AFF1: variants seen among roughly 807,000 people sequenced by gnomAD.
AFF1 encodes AF4/FMR2 family member 1.
Under a neutral mutation model 121.7 loss-of-function variants are expected in AFF1, and 48 were observed. The observed-to-expected ratio is 0.39, with a 90% confidence interval of 0.31 to 0.50. The LOEUF is 0.50. Ranked by LOEUF, AFF1 falls within the 20% of genes least tolerant of loss-of-function variation. The probability of loss-of-function intolerance (pLI) is 0.76; values close to 1 mark genes in which losing one functional copy is unlikely to be tolerated. For synonymous variants in AFF1, 613 were observed against 563.0 expected, an observed-to-expected ratio of 1.09 and a Z score of -1.26; for missense variants, 1,523 against 1,511.7, an observed-to-expected ratio of 1.01 and a Z score of -0.12.
At chr4:87,126,459 G>A in intron 14 of AFF1, 123 bp downstream of exon 14, 1 of 883,706 alleles carries the variant, frequency 1.1e-6, no homozygotes, top group Non-Finnish European at 1.7e-6. Flanking sequence ...TGAGGCAACT[G>A]TTTGTGTTTA....
chr4:86,992,075 G>C (rs1160257177), intron 2 of AFF1, among the ~76,000 whole-genome samples: 1 of 152,080 alleles, frequency 6.6e-6, no homozygotes, highest in African/African-American at 2.4e-5. Context: ...TTTTCCAAAG[G>C]CTTGTAAAAA....
In AFF1 at chr4:87,136,967, C is replaced by G. The variant is rs1373070486; in HGVS notation, c.*1266C>G. The G allele has an allele frequency of 4.5e-6, 1 of 220,950 alleles. No individual in the cohort carries two copies. Among genetic ancestry groups the G allele is most frequent in the Non-Finnish European group, 9.1e-6 (1 of 110,202 alleles). 13.7% of individuals were successfully genotyped at this position (220,950 alleles called of 1,614,324 possible). A position where few individuals can be genotyped will look rare whatever the true frequency, so the allele number is the denominator to read the frequency against. On this transcript the variant is annotated 3_prime_UTR_variant, in exon 21 of 21. Transcript: ENST00000395146. ...TAGATTTGATTTGGTTGAGGAGGAA[C>G]TGTGGCCCTCCGTAAGTTATTGCCA... is the stretch of plus-strand genomic sequence containing the variant.
In AFF1 at chr4:87,140,329, T is replaced by C. The variant is rs1349075521; in HGVS notation, c.*4628T>C. On this transcript the variant is annotated 3_prime_UTR_variant, in exon 21 of 21. Coordinates refer to ENST00000395146, the MANE Select transcript of AFF1 (RefSeq NM_001166693.3). ...TCCCCCTCAGATATCAAGTATACACTGTTCATGTTGGGGTTGTGTGTGTGT... is the reference window on the plus strand; with the variant it reads ...TCCCCCTCAGATATCAAGTATACACCGTTCATGTTGGGGTTGTGTGTGTGT... 5.0e-6 allele frequency: 1 copy of C among 199,300 alleles called. No individual in the cohort carries two copies. The highest frequency in any genetic ancestry group is 2.3e-5 in the African/African-American group (1 of 43,386). 12.3% of individuals were successfully genotyped at this position (199,300 alleles called of 1,614,324 possible). A position where few individuals can be genotyped will look rare whatever the true frequency, so the allele number is the denominator to read the frequency against.
rs11434868 is a variant in AFF1, at chr4:87,035,564, G to GAA, written c.39-10591_39-10590dup. On this transcript the variant is annotated intron_variant, in intron 2 of 20. Transcript: ENST00000395146. ...CGACAGAGCAAGACTCCGTCCCAAG[G>GAA]AAAAAAAAAAAATACTCAGGAGCTT... Among the ~76,000 whole-genome samples, 392 of 147,032 alleles carry GAA rather than the reference G, an allele frequency of 2.7e-3. 1 individual carries two copies. The highest frequency in any genetic ancestry group is 4.8e-3 in the African/African-American group (191 of 39,948).
chr4:87,076,833 A>G lies in AFF1; in HGVS notation c.1060-7287A>G, dbSNP rs547180713. 5.3e-5 allele frequency among the ~76,000 whole-genome samples: 8 copies of G among 152,372 alleles called. No individual in the cohort carries two copies. The South Asian group carries it at 1.7e-3, about 32-fold the overall frequency. The stretch of plus-strand genomic sequence containing the variant: ...CTGCTGGTCCCTTTGAACGTTTTCC[A>G]GCTGAAGTAGGCACACCCAGGCAGT... On this transcript the variant is annotated intron_variant, in intron 4 of 20. Transcript: ENST00000395146.
intron 1 of AFF1, among the ~76,000 whole-genome samples, chr4:86,937,869 G>A (rs1720147634): frequency 6.6e-6 from 1 of 152,186 alleles, no homozygotes; most frequent in Non-Finnish European, 1.5e-5. Context: ...GCCTCCTCAA[G>A]TGCTGAGATT....
chr4:86,997,418 G>C (rs1725300701), intron 2 of AFF1, among the ~76,000 whole-genome samples: 2 of 152,152 alleles, frequency 1.3e-5, no homozygotes, highest in Non-Finnish European at 2.9e-5. Flanking sequence ...CAGGTATTCT[G>C]CTATAGGCAG....
intron 2 of AFF1, among the ~76,000 whole-genome samples, chr4:86,958,815 TCTTA>T (rs1340180761): frequency 6.6e-6 from 1 of 152,202 alleles, no homozygotes; most frequent in African/African-American, 2.4e-5. Context: ...GTTTCTTGAG[TCTTA>T]ATCCAGAGCA....
rs1726205055 is a variant in AFF1, at chr4:87,007,044, T to C, written c.39-39122T>C. On this transcript the variant is annotated intron_variant, in intron 2 of 20. Transcript: ENST00000395146. ...GCGTTGTGCTGTTGCTGGGCAGGCG[T>C]TGGGCGCCGGCGGTCTTCGAGCGTG... The C allele has an allele frequency of 3.4e-6, 4 of 1,181,574 alleles. No homozygotes were observed. In the South Asian group the frequency reaches 8.4e-5, roughly 25 times the overall value. The allele number at this position is 1,181,574 out of a possible 1,614,324, so 73.2% of individuals were successfully genotyped here. A position where few individuals can be genotyped will look rare whatever the true frequency, so the allele number is the denominator to read the frequency against.
chr4:87,067,572 G>A (rs563582927), intron 4 of AFF1, among the ~76,000 whole-genome samples: 13 of 152,156 alleles, frequency 8.5e-5, no homozygotes, highest in South Asian at 2.1e-4. Context: ...AATTTCAGGG[G>A]CATTGCTAAA....
At chr4:87,053,312 A>G (rs1351033269) in intron 4 of AFF1, among the ~76,000 whole-genome samples, 1 of 152,146 alleles carries the variant, frequency 6.6e-6, no homozygotes, top group Non-Finnish European at 1.5e-5. Flanking sequence ...TTTAATTTCC[A>G]AGACCCAAGT....
At chr4:87,084,033 T>C (rs1225509499) in intron 4 of AFF1, 87 bp from the exon 5 acceptor site, 2 of 1,215,830 alleles carry the variant, frequency 1.6e-6, no homozygotes, top group Non-Finnish European at 2.4e-6. Context: ...TTGAGATGAG[T>C]ATTGCTGCAT....
chr4:87,021,011 C>T (rs979521965), intron 2 of AFF1, among the ~76,000 whole-genome samples: 1 of 152,130 alleles, frequency 6.6e-6, no homozygotes, highest in East Asian at 1.9e-4. Context: ...CCAAGACTCA[C>T]CATTCTGTTC....
At chr4:86,940,458 G>C (rs957797645) in intron 1 of AFF1, among the ~76,000 whole-genome samples, 3 of 152,296 alleles carry the variant, frequency 2.0e-5, no homozygotes, top group Middle Eastern at 3.4e-3. Flanking sequence ...CTGGAGTGCA[G>C]TGGTGCAATC....
intron 2 of AFF1, among the ~76,000 whole-genome samples, chr4:86,960,294 C>G (rs1351342231): frequency 6.6e-6 from 1 of 152,126 alleles, no homozygotes; most frequent in Non-Finnish European, 1.5e-5. Context: ...GACGGCCCAG[C>G]AGGTATCCTG....
chr4:86,951,607 TC>T lies in AFF1; in HGVS notation c.38+3037del, dbSNP rs1560497179. Among the ~76,000 whole-genome samples, 230 of 90,726 alleles carry T rather than the reference TC, an allele frequency of 2.5e-3. 4 individuals are homozygous for T. Among genetic ancestry groups the T allele is most frequent in the African/African-American group, 7.9e-3 (222 of 28,246 alleles). 59.5% of individuals were successfully genotyped at this position (90,726 alleles called of 152,430 possible). ...ATGTTAGGGAACTTTTTTTTCTTTT[TC>T]TTTTTTCTTTTTTTCTTTTTTTTTT... On this transcript the variant is annotated intron_variant, in intron 2 of 20. Transcript: ENST00000395146.
chr4:87,022,754 A>G, intron 2 of AFF1, among the ~76,000 whole-genome samples: 1 of 149,768 alleles, frequency 6.7e-6, no homozygotes. Flanking sequence ...GTGTATATAT[A>G]TATAATATCA....
At chr4:86,982,848 C>CAAAAAAAAAAAAAAAAAA (rs59568294) in intron 2 of AFF1, among the ~76,000 whole-genome samples, 6 of 53,804 alleles carry the variant, frequency 1.1e-4, no homozygotes, top group African/African-American at 4.1e-4. Flanking sequence ...ACTCTGTCTC[C>CAAAAAAAAAAAAAAAAAA]AAAAAAAAAA....
chr4:87,022,578 A>ATC lies in AFF1; in HGVS notation c.39-23587_39-23586insCT, dbSNP rs1487050172. On this transcript the variant is annotated intron_variant, in intron 2 of 20. Transcript: ENST00000395146. ...TATATATATATATATATATATATAT[A>ATC]TATATCTATCTATATCTATCTGTGT... 2.8e-4 allele frequency among the ~76,000 whole-genome samples: 24 copies of ATC among 87,228 alleles called. 1 individual carries two copies. The highest frequency in any genetic ancestry group is 1.0e-3 in the South Asian group (3 of 2,888). The allele number at this position is 87,228 out of a possible 152,430, so 57.2% of individuals were successfully genotyped here. A position where few individuals can be genotyped will look rare whatever the true frequency, so the allele number is the denominator to read the frequency against.
Sources: allele counts gnomAD v4.1 joint callset (sites outside exome capture counted in the v4.1 genomes callset), GRCh38; gene constraint gnomAD v4.1.1; transcripts MANE v1.5; gene names NCBI Gene and HGNC (gene_info 2026-07-23, HGNC 2026-07-21).